RYR2: variants seen among roughly 807,000 people sequenced by gnomAD.
RYR2 encodes the protein ryanodine receptor 2, also known as cardiac muscle ryanodine receptor-calcium release channel.
In RYR2, 227 loss-of-function variants were observed where a neutral mutation model predicts 601.1. The ratio of observed to expected loss-of-function variants is 0.38; its 90% confidence interval spans 0.34 to 0.42. The LOEUF (loss-of-function observed/expected upper bound fraction) is 0.42. RYR2 is among the 10% of genes least tolerant of loss of function. RYR2 has a pLI of 1.00. For missense variants in RYR2, 4,646 were observed against 6,156.5 expected (o/e 0.75, Z 8.21); for synonymous variants, 2,223 against 2,175.1 (o/e 1.02, Z -0.61).
At chr1:237,254,209 TTTTTTATTTAGTC>T (rs1687735706) in intron 1 of RYR2, among the ~76,000 whole-genome samples, 1 of 152,106 alleles carries the variant, frequency 6.6e-6, no homozygotes, top group South Asian at 2.1e-4. Context: ...TACTGTTATT[TTTTTTATTTAGTC>T]TTGAGAATTT....
chr1:237,503,215 C>T, intron 21 of RYR2, 74 bp from the exon 22 acceptor site: 2 of 1,353,718 alleles, frequency 1.5e-6, no homozygotes, highest in Non-Finnish European at 2.0e-6. Context: ...ACAATTTTTC[C>T]CTAAGATTTT....
chr1:237,458,296 G>A (rs1659074609), intron 16 of RYR2, among the ~76,000 whole-genome samples: 1 of 152,118 alleles, frequency 6.6e-6, no homozygotes. Context: ...GAGCGTGGTG[G>A]CGGGAGCCTG....
Position 237,608,144 on chromosome 1 carries a change from G to A in RYR2, c.4684-2618G>A, listed in dbSNP as rs558845473. Among the ~76,000 whole-genome samples the A allele has an allele frequency of 1.4e-4, 21 of 152,246 alleles. No individual in the cohort carries two copies. The South Asian group carries it at 4.3e-3, about 32-fold the overall frequency. ...TATTTGAGGGCAGATGTAGAGAGTG[G>A]GAAGAGATGGCTGAGGAGAGAGCCT... is the stretch of plus-strand genomic sequence containing the variant. On this transcript the variant is annotated intron_variant, in intron 35 of 104. Transcript: ENST00000366574.
intron 1 of RYR2, among the ~76,000 whole-genome samples, chr1:237,182,152 C>T (rs925424957): frequency 5.6e-5 from 8 of 143,944 alleles, no homozygotes; most frequent in African/African-American, 2.0e-4. Flanking sequence ...GATGGAGTCG[C>T]ACTCTATTGC....
intron 1 of RYR2, among the ~76,000 whole-genome samples, chr1:237,143,878 C>G (rs1673669071): frequency 6.6e-6 from 1 of 152,160 alleles, no homozygotes; most frequent in Admixed American, 6.5e-5. Context: ...GAATAAATAT[C>G]CTAGCACTTT....
intron 2 of RYR2, among the ~76,000 whole-genome samples, chr1:237,328,565 T>C (rs2149556128): frequency 6.6e-6 from 1 of 151,350 alleles, no homozygotes; most frequent in Admixed American, 6.6e-5. Context: ...GAGCCCATGA[T>C]AGGAGGATGG....
At chr1:237,400,129 G>T (rs1703216340) in intron 10 of RYR2, among the ~76,000 whole-genome samples, 1 of 152,048 alleles carries the variant, frequency 6.6e-6, no homozygotes, top group African/African-American at 2.4e-5. Context: ...CAAAATCTTT[G>T]TTGAAAAACT....
chr1:237,323,646 G>T (rs960355370), intron 2 of RYR2, among the ~76,000 whole-genome samples: 7 of 152,202 alleles, frequency 4.6e-5, no homozygotes, highest in African/African-American at 1.7e-4. Flanking sequence ...CATATGGGAT[G>T]CTACGAATTC....
chr1:237,534,398 A>G (rs1572755695), intron 25 of RYR2, among the ~76,000 whole-genome samples: 1 of 152,202 alleles, frequency 6.6e-6, no homozygotes, highest in African/African-American at 2.4e-5. Flanking sequence ...AAATCTCAGA[A>G]ACTGATATGT....
At chr1:237,798,886 T>C (rs554538671) in intron 97 of RYR2, among the ~76,000 whole-genome samples, 197 of 152,286 alleles carry the variant, frequency 1.3e-3, no homozygotes, top group African/African-American at 4.2e-3. Flanking sequence ...TAAAACATGC[T>C]TTTAAAAACG....
At chr1:237,084,883 GC>G (rs1405954316) in intron 1 of RYR2, among the ~76,000 whole-genome samples, 1 of 152,230 alleles carries the variant, frequency 6.6e-6, no homozygotes, top group Non-Finnish European at 1.5e-5. Flanking sequence ...GCCGGGGCCG[GC>G]CCTCTTGTAT....
intron 4 of RYR2, 92 bp downstream of exon 4, chr1:237,356,077 C>A: frequency 1.7e-6 from 2 of 1,151,332 alleles, no homozygotes; most frequent in Non-Finnish European, 1.3e-6. Flanking sequence ...CCTAGTGTGG[C>A]TTGTACTATT....
chr1:237,720,803 A>G (rs1689655701), intron 73 of RYR2, among the ~76,000 whole-genome samples: 1 of 152,200 alleles, frequency 6.6e-6, no homozygotes, highest in Admixed American at 6.5e-5. Flanking sequence ...AAATGGTCAA[A>G]TAAAGGTGGT....
At chr1:237,192,544 A>C (rs268787) in intron 1 of RYR2, among the ~76,000 whole-genome samples, 90,483 of 152,136 alleles carry the variant, frequency 0.59, 27,287 homozygotes, top group Non-Finnish European at 0.66. Context: ...GCATATAATA[A>C]ATTTATTAGT....
At chr1:237,346,367 C>CAAAAAGAAAAAAAAAAAAAAAA (rs1698312239) in intron 3 of RYR2, among the ~76,000 whole-genome samples, 1 of 62,352 alleles carries the variant, frequency 1.6e-5, no homozygotes, top group African/African-American at 5.6e-5. Context: ...GGGTCTACCT[C>CAAAAAGAAAAAAAAAAAAAAAA]AAAAAAAAAA....
At position 237,784,403 on chromosome 1, in the gene RYR2, C is replaced by A. The variant is rs1271445965; in HGVS notation, c.12691C>A (p.Pro4231Thr). 1 of 1,613,790 alleles carries A rather than the reference C, an allele frequency of 6.2e-7. No homozygotes were observed. The highest frequency in any genetic ancestry group is 8.5e-7 in the Non-Finnish European group (1 of 1,179,840). ...GAAGGAGAGGCCGGAAGAGCAGGGG[C>A]CGAGGATGGCTTTCTTCTCCATTCT... is the stretch of plus-strand genomic sequence containing the variant. ...SEKERPEEQG[P>T]RMAFFSILTV... is the part of the protein sequence containing the mutation. Residue 4231 changes from proline (P) to threonine (T), a missense_variant, in exon 90 of 105, where the codon CCG (proline) becomes ACG (threonine). By Grantham distance (38) the Pro-to-Thr change is conservative. Coordinates refer to ENST00000366574, the MANE Select transcript of RYR2 (RefSeq NM_001035.3). The surrounding 1 kb of genome is among the most constrained non-coding windows in gnomAD (Gnocchi z 7.1).
At chr1:237,324,412 C>G (rs1695946761) in intron 2 of RYR2, among the ~76,000 whole-genome samples, 1 of 152,084 alleles carries the variant, frequency 6.6e-6, no homozygotes, top group Non-Finnish European at 1.5e-5. Flanking sequence ...GAAGGCCACA[C>G]AGCAGATGGG....
chr1:237,439,488 A>G (rs1707700272), intron 12 of RYR2, among the ~76,000 whole-genome samples: 1 of 151,992 alleles, frequency 6.6e-6, no homozygotes, highest in Non-Finnish European at 1.5e-5. Context: ...TACTAAAAAT[A>G]CAAAAATTAG....
Position 237,631,496 on chromosome 1 carries a change from T to C in RYR2, c.6510T>C (p.Thr2170=), listed in dbSNP as rs901453964. ...TGAGGGCACTGGGGATGCACGAGAC[T>C]GTGATGGAGGTCATGGTGAACGTCC... ...NLMRALGMHE[T]VMEVMVNVLG... The change falls in exon 42 of 105, where the codon ACT becomes ACC. Residue 2170 remains threonine, a synonymous_variant. Coordinates refer to ENST00000366574, the MANE Select transcript of RYR2 (RefSeq NM_001035.3). 4 of 1,613,564 alleles carry C rather than the reference T, an allele frequency of 2.5e-6. No individual in the cohort carries two copies. The highest frequency in any genetic ancestry group is 2.5e-6 in the Non-Finnish European group (3 of 1,179,810).
Sources: allele counts gnomAD v4.1 joint callset (sites outside exome capture counted in the v4.1 genomes callset), GRCh38; gene constraint gnomAD v4.1.1; non-coding constraint Gnocchi (gnomAD v3.1); transcripts MANE v1.5; gene names NCBI Gene and HGNC (gene_info 2026-07-23, HGNC 2026-07-21).